The following NAALADL2 variants were observed in gnomAD, a reference collection of about 807,000 sequenced individuals.
The protein encoded by NAALADL2 is N-acetylated alpha-linked acidic dipeptidase like 2.
A neutral mutation model predicts 87.2 loss-of-function variants in NAALADL2; 76 were observed. The observed-to-expected ratio is 0.87, with a 90% CI of 0.72 to 1.05. The LOEUF (loss-of-function observed/expected upper bound fraction) is 1.05, where lower values mean the gene tolerates loss of function less well. Among genes scored for constraint, NAALADL2 ranks in the 50% least tolerant of loss-of-function variants. The pLI, the probability that NAALADL2 is intolerant of heterozygous loss-of-function variation, is 0.00. For synonymous variants in NAALADL2, 354 were observed against 331.0 expected (o/e 1.07, Z -0.75); for missense variants, 1,089 against 945.8 (o/e 1.15, Z -1.99).
intron 2 of NAALADL2, among the ~76,000 whole-genome samples, chr3:175,121,505 G>T (rs182056683): frequency 1.2e-3 from 179 of 151,932 alleles, no homozygotes; most frequent in African/African-American, 4.1e-3. Context: ...TGTGGTTGCA[G>T]CTGTTACCTG....
At chr3:175,268,329 A>G (rs4894704) in intron 4 of NAALADL2, among the ~76,000 whole-genome samples, 42,209 of 151,866 alleles carry the variant, frequency 0.28, 6,758 homozygotes, top group South Asian at 0.52. Flanking sequence ...TAAAAATATG[A>G]TATAAGAGAC....
chr3:174,969,269 G>A (rs1370100633), intron 1 of NAALADL2, among the ~76,000 whole-genome samples: 6 of 152,136 alleles, frequency 3.9e-5, no homozygotes, highest in Middle Eastern at 3.2e-3. Flanking sequence ...TCTCAGGTAA[G>A]TCTTTTCTGA....
At chr3:174,541,654 G>C (rs1456237805) in intron 1 of NAALADL2, among the ~76,000 whole-genome samples, 1 of 152,152 alleles carries the variant, frequency 6.6e-6, no homozygotes, top group South Asian at 2.1e-4. Context: ...TTTTATCATT[G>C]TGAAATGTAG....
chr3:174,526,858 T>C (rs988805564), intron 1 of NAALADL2, among the ~76,000 whole-genome samples: 5 of 151,902 alleles, frequency 3.3e-5, no homozygotes, highest in African/African-American at 9.7e-5. Context: ...TGTATTTTTA[T>C]TGGAGACGGG....
chr3:174,952,603 A>G (rs1296918231), intron 1 of NAALADL2, among the ~76,000 whole-genome samples: 8 of 152,124 alleles, frequency 5.3e-5, no homozygotes, highest in African/African-American at 1.9e-4. Flanking sequence ...ACAGGCACAG[A>G]TAATAGAGGG....
At chr3:175,238,796 TAAAG>T (rs1164768045) in intron 3 of NAALADL2, among the ~76,000 whole-genome samples, 1 of 152,218 alleles carries the variant, frequency 6.6e-6, no homozygotes, top group Non-Finnish European at 1.5e-5. Flanking sequence ...TGGTTGCTGC[TAAAG>T]ATTCAGGCAT....
chr3:175,468,627 A>G (rs932811566), intron 8 of NAALADL2, among the ~76,000 whole-genome samples: 22 of 152,080 alleles, frequency 1.4e-4, no homozygotes, highest in African/African-American at 5.1e-4. Context: ...TAGGTCTTCT[A>G]GATACCTATC....
intron 9 of NAALADL2, among the ~76,000 whole-genome samples, chr3:175,529,971 G>A (rs1426991879): frequency 6.6e-6 from 1 of 152,156 alleles, no homozygotes; most frequent in Non-Finnish European, 1.5e-5. Context: ...GAGGAATGGT[G>A]CCATATCGAG....
chr3:174,688,017 G>C (rs557073782), intron 2 of NAALADL2, among the ~76,000 whole-genome samples: 1 of 152,068 alleles, frequency 6.6e-6, no homozygotes, highest in Non-Finnish European at 1.5e-5. Flanking sequence ...CCAGTCTTAG[G>C]TATGTCTTTA....
chr3:175,267,245 A>T (rs1474604218), intron 4 of NAALADL2, among the ~76,000 whole-genome samples: 3 of 152,068 alleles, frequency 2.0e-5, no homozygotes, highest in Non-Finnish European at 2.9e-5. Context: ...ATTATGAATC[A>T]CTAAATACGT....
chr3:175,065,853 C>G (rs1714439020), intron 1 of NAALADL2, among the ~76,000 whole-genome samples: 1 of 152,160 alleles, frequency 6.6e-6, no homozygotes, highest in Non-Finnish European at 1.5e-5. Context: ...AAAGCTGATT[C>G]TGAATTTAGT....
chr3:175,572,068 T>A (rs764994305), intron 9 of NAALADL2, among the ~76,000 whole-genome samples: 18 of 151,994 alleles, frequency 1.2e-4, no homozygotes, highest in Non-Finnish European at 2.4e-4. Context: ...GTGAGTTAAG[T>A]CCTCTGCAAG....
chr3:175,291,151 T>A (rs907798906), intron 4 of NAALADL2, among the ~76,000 whole-genome samples: 1 of 152,122 alleles, frequency 6.6e-6, no homozygotes, highest in Non-Finnish European at 1.5e-5. Context: ...TGTCAATGGA[T>A]CAATATTGGA....
chr3:174,961,574 T>A (rs1742004900), intron 1 of NAALADL2, among the ~76,000 whole-genome samples: 1 of 151,350 alleles, frequency 6.6e-6, no homozygotes, highest in South Asian at 2.1e-4. Context: ...GTGTAGATTT[T>A]ATTTTAATTC....
intron 10 of NAALADL2, among the ~76,000 whole-genome samples, chr3:175,591,162 G>T (rs955385159): frequency 1.3e-5 from 2 of 151,992 alleles, no homozygotes; most frequent in African/African-American, 4.8e-5. Flanking sequence ...GGAAGTGGAA[G>T]GTATAGAGTC....
rs75648155 is a variant in NAALADL2, at chr3:174,903,693, A to C, written c.43+44243A>C. On this transcript the variant is annotated intron_variant, in intron 1 of 13. Transcript: ENST00000454872. ...GCATGCAATTCACTGGTAAAAACAA[A>C]AATCATGGGTATTATTCCAAAATCA... 1.6e-4 allele frequency among the ~76,000 whole-genome samples: 25 copies of C among 152,116 alleles called. No individual in the cohort carries two copies. The East Asian group carries it at 4.8e-3, about 29-fold the overall frequency.
intron 2 of NAALADL2, among the ~76,000 whole-genome samples, chr3:174,700,897 G>A (rs1286907387): frequency 6.6e-6 from 1 of 152,216 alleles, no homozygotes; most frequent in East Asian, 1.9e-4. Flanking sequence ...TTCTAACAAA[G>A]GCTCAGCAAG....
At chr3:175,142,298 TTA>T (rs1169490884) in intron 2 of NAALADL2, among the ~76,000 whole-genome samples, 1 of 152,036 alleles carries the variant, frequency 6.6e-6, no homozygotes, top group East Asian at 1.9e-4. Context: ...TTAATTTCGT[TTA>T]TAATTATGTG....
At chr3:175,775,976 C>G (rs900802048) in intron 13 of NAALADL2, among the ~76,000 whole-genome samples, 1 of 152,018 alleles carries the variant, frequency 6.6e-6, no homozygotes, top group Non-Finnish European at 1.5e-5. Context: ...TATGTCTTAC[C>G]GTCTGTATCC....
Sources: allele counts gnomAD v4.1 joint callset (sites outside exome capture counted in the v4.1 genomes callset), GRCh38; gene constraint gnomAD v4.1.1; transcripts MANE v1.5; gene names NCBI Gene and HGNC (gene_info 2026-07-23, HGNC 2026-07-21).